The following GATA4 variants were observed in gnomAD, a reference collection of about 807,000 sequenced individuals.
GATA4 encodes the protein transcription factor GATA-4.
In GATA4, 7 loss-of-function variants were observed where a neutral mutation model predicts 37.9. The observed-to-expected ratio is 0.18, with a 90% confidence interval of 0.11 to 0.35. The LOEUF is 0.35. Among genes scored for constraint, GATA4 ranks in the 10% least tolerant of loss-of-function variants. GATA4 has a pLI of 1.00. For missense variants in GATA4, 647 were observed against 653.0 expected, an observed-to-expected ratio of 0.99 and a Z score of 0.10; for synonymous variants, 372 against 292.6, an observed-to-expected ratio of 1.27 and a Z score of -2.77.
At position 11,749,131 on chromosome 8, in the gene GATA4, C is replaced by G; in HGVS notation, c.786+46C>G. On this transcript the variant is annotated intron_variant, in intron 3 of 6. Transcript: ENST00000532059. This position sits in a 1 kb window ranked among gnomAD's most constrained non-coding sequence, Gnocchi z 4.6. ...CTCCTCTGGGCACCTGGCTGCGGAG[C>G]TCTCGCCTTGGTGGGACATCCTCTG... The G allele has an allele frequency of 6.2e-7, 1 of 1,600,140 alleles. No individual in the cohort carries two copies. Among genetic ancestry groups the G allele is most frequent in the Non-Finnish European group, 8.5e-7 (1 of 1,170,646 alleles).
chr8:11,728,734 G>A (rs1801063091), intron 2 of GATA4, among the ~76,000 whole-genome samples: 1 of 152,094 alleles, frequency 6.6e-6, no homozygotes, highest in South Asian at 2.1e-4. Flanking sequence ...TACCATAAAG[G>A]GTTAGATTGC....
chr8:11,722,590 C>A (rs1585626930), intron 2 of GATA4, among the ~76,000 whole-genome samples: 1 of 152,154 alleles, frequency 6.6e-6, no homozygotes, highest in Non-Finnish European at 1.5e-5. Flanking sequence ...TTTTCTTCTC[C>A]TTGCATTCTG....
At chr8:11,721,987 TAAG>T (rs892352829) in intron 2 of GATA4, among the ~76,000 whole-genome samples, 2 of 152,152 alleles carry the variant, frequency 1.3e-5, no homozygotes, top group Non-Finnish European at 2.9e-5. Context: ...CCTTTAATTT[TAAG>T]TTCAATTTCT....
In GATA4 at chr8:11,750,246, T is replaced by C. The variant is rs1161010642; in HGVS notation, c.912+10T>C. The C allele has an allele frequency of 6.2e-7, 1 of 1,611,922 alleles. No individual in the cohort carries two copies. Among genetic ancestry groups the C allele is most frequent in the East Asian group, 2.2e-5 (1 of 44,894 alleles). ...CATGAAGCTCCACGGGGTACGTGGG[T>C]CCTGCGCCCATGCGGCATCCTTGCC... On this transcript the variant is annotated intron_variant, in intron 4 of 6. Transcript: ENST00000532059.
upstream of GATA4, chr8:11,691,915 G>GAA (rs376049123): frequency 3.9e-4 from 203 of 524,338 alleles, no homozygotes; most frequent in Middle Eastern, 8.9e-4. Context: ...AAAGAGGGAA[G>GAA]AAAAAAAAAA....
chr8:11,692,155 C>T (rs1229059296), upstream of GATA4: 3 of 492,616 alleles, frequency 6.1e-6, no homozygotes, highest in Non-Finnish European at 7.9e-6. Context: ...CAGGTAACAG[C>T]CCAGCAGCCT....
chr8:11,737,255 G>T (rs1801507575), intron 2 of GATA4, among the ~76,000 whole-genome samples: 1 of 151,880 alleles, frequency 6.6e-6, no homozygotes, highest in Admixed American at 6.6e-5. Flanking sequence ...TAGCATTCAG[G>T]GCAATAAAGA....
At position 11,693,173 on chromosome 8, in the gene GATA4, A is replaced by G. The variant is rs545313731; in HGVS notation, c.-729+513A>G. ...TAAAGAGCTGTAAGGAAGCTTAGAA[A>G]TGATTCGGCAAGCTGGGCGCGGTGG... On this transcript the variant is annotated intron_variant, in intron 1 of 2. Coordinates refer to the GATA4 transcript ENST00000526974. The G allele has an allele frequency of 9.4e-5, 75 of 795,720 alleles. 1 individual carries two copies. The South Asian group carries it at 1.1e-3, about 11-fold the overall frequency. The allele number at this position is 795,720 out of a possible 1,614,324, so 49.3% of individuals were successfully genotyped here.
In GATA4 at chr8:11,758,963, C is replaced by T. The variant is rs1802748316; in HGVS notation, c.*488C>T. On this transcript the variant is annotated 3_prime_UTR_variant, in exon 7 of 7. Coordinates refer to ENST00000532059, the MANE Select transcript of GATA4 (RefSeq NM_001308093.3). ...CCGCTTGAGGCATGGCACCGCCCTG[C>T]ATCCCTAATACCAAATCTGACTCCA... 1 of 243,354 alleles carries T rather than the reference C, an allele frequency of 4.1e-6. No individual in the cohort carries two copies. The highest frequency in any genetic ancestry group is 5.7e-5 in the South Asian group (1 of 17,432). The allele number at this position is 243,354 out of a possible 1,614,324, so 15.1% of individuals were successfully genotyped here.
chr8:11,731,076 C>G (rs1801185146), intron 2 of GATA4, among the ~76,000 whole-genome samples: 2 of 152,192 alleles, frequency 1.3e-5, no homozygotes, highest in South Asian at 4.1e-4. Context: ...ATTTCCTTAC[C>G]TGTAATCTGT....
intron 2 of GATA4, among the ~76,000 whole-genome samples, chr8:11,719,240 T>A (rs2130133063): frequency 6.6e-6 from 1 of 151,340 alleles, no homozygotes; most frequent in South Asian, 2.1e-4. Flanking sequence ...TAGAAAAGAA[T>A]GACCTGACTT....
At chr8:11,717,135 A>C (rs939441045) in intron 2 of GATA4, among the ~76,000 whole-genome samples, 1 of 152,246 alleles carries the variant, frequency 6.6e-6, no homozygotes, top group African/African-American at 2.4e-5. Context: ...CATACAACAT[A>C]AACTGGTTAC....
At chr8:11,746,638 A>G (rs1168741706) in intron 2 of GATA4, among the ~76,000 whole-genome samples, 1 of 152,202 alleles carries the variant, frequency 6.6e-6, no homozygotes, top group Non-Finnish European at 1.5e-5. Context: ...CCTCATGGGC[A>G]GGCCTGGATG....
Position 11,740,336 on chromosome 8 carries a change from C to G in GATA4, c.617-8580C>G, listed in dbSNP as rs568890678. Among the ~76,000 whole-genome samples the G allele has an allele frequency of 7.2e-4, 109 of 152,364 alleles. 1 individual carries two copies. The highest frequency in any genetic ancestry group is 2.1e-3 in the African/African-American group (87 of 41,590). On this transcript the variant is annotated intron_variant, in intron 2 of 6. Transcript: ENST00000532059. ...GTGGCCACACACCCTGGTGTGAAGA[C>G]TGTGCTTTCAGAATAATTAGTAATA...
intron 1 of GATA4, among the ~76,000 whole-genome samples, chr8:11,686,891 A>G (rs1241999878): frequency 6.6e-6 from 1 of 151,852 alleles, no homozygotes; most frequent in African/African-American, 2.4e-5. Context: ...CCAGCTACTC[A>G]GGAGGCTGAG....
At chr8:11,741,509 G>C (rs1801738317) in intron 2 of GATA4, among the ~76,000 whole-genome samples, 1 of 152,016 alleles carries the variant, frequency 6.6e-6, no homozygotes, top group Non-Finnish European at 1.5e-5. Flanking sequence ...AAGTCCCTGT[G>C]AGAGCAATGC....
At chr8:11,751,019 T>C (rs995784799) in intron 4 of GATA4, among the ~76,000 whole-genome samples, 8 of 152,042 alleles carry the variant, frequency 5.3e-5, no homozygotes, top group Non-Finnish European at 1.2e-4. Flanking sequence ...GAAGAAAATG[T>C]AAGGGAAAGT....
chr8:11,688,755 T>G (rs4841583), upstream of GATA4, among the ~76,000 whole-genome samples: 14,894 of 152,160 alleles, frequency 0.098, 1,622 homozygotes, highest in African/African-American at 0.26. Flanking sequence ...ATGAGAATAG[T>G]GTTAGGAAAA....
At chr8:11,752,645 G>C (rs1426834176) in intron 4 of GATA4, among the ~76,000 whole-genome samples, 1 of 152,172 alleles carries the variant, frequency 6.6e-6, no homozygotes, top group Non-Finnish European at 1.5e-5. Context: ...ATATATATGT[G>C]TACAGATGTT....
Sources: allele counts gnomAD v4.1 joint callset (sites outside exome capture counted in the v4.1 genomes callset), GRCh38; gene constraint gnomAD v4.1.1; non-coding constraint Gnocchi (gnomAD v3.1); transcripts MANE v1.5; gene names NCBI Gene and HGNC (gene_info 2026-07-23, HGNC 2026-07-21).